Variants in DGKG observed in about 807,000 individuals in gnomAD.
DGKG encodes the protein diacylglycerol kinase gamma.
DGKG carries 78 observed loss-of-function variants against 105.3 expected under a neutral mutation model. The ratio of observed to expected loss-of-function variants is 0.74; its 90% CI spans 0.62 to 0.89. The LOEUF is 0.89. Ranked by LOEUF, DGKG falls within the 40% of genes least tolerant of loss-of-function variation. The pLI, the probability that DGKG is intolerant of heterozygous loss-of-function variation, is 0.00. For synonymous variants in DGKG, 346 were observed against 367.1 expected, an observed-to-expected ratio of 0.94 and a Z score of 0.66; for missense variants, 958 against 1,020.1, an observed-to-expected ratio of 0.94 and a Z score of 0.83.
intron 5 of DGKG, among the ~76,000 whole-genome samples, chr3:186,296,112 C>CAAAAAAAAAA (rs36070727): frequency 4.2e-5 from 6 of 143,438 alleles, no homozygotes; most frequent in African/African-American, 1.6e-4. Flanking sequence ...TTATCTCAGA[C>CAAAAAAAAAA]AAAAAAAAAA....
At chr3:186,194,181 G>A (rs1718055781) in intron 21 of DGKG, among the ~76,000 whole-genome samples, 1 of 152,264 alleles carries the variant, frequency 6.6e-6, no homozygotes, top group Non-Finnish European at 1.5e-5. Context: ...TTTGGTGGAA[G>A]GCAGGTGCAC....
chr3:186,259,184 G>A (rs552292919), intron 16 of DGKG, among the ~76,000 whole-genome samples: 1 of 152,354 alleles, frequency 6.6e-6, no homozygotes, highest in South Asian at 2.1e-4. Flanking sequence ...AGTGACATGC[G>A]CATGAGAGAC....
At chr3:186,196,183 G>A (rs1718173079) in intron 21 of DGKG, among the ~76,000 whole-genome samples, 1 of 146,982 alleles carries the variant, frequency 6.8e-6, no homozygotes. Flanking sequence ...TGTTGCCCAG[G>A]CTAGAGTGCA....
chr3:186,159,061 T>C (rs1489142141), intron 24 of DGKG: 1 of 205,466 alleles, frequency 4.9e-6, no homozygotes, highest in Non-Finnish European at 8.5e-6. Flanking sequence ...TATATTTGGA[T>C]TTTCATTTTT....
intron 6 of DGKG, among the ~76,000 whole-genome samples, chr3:186,285,516 G>C (rs184710469): frequency 6.6e-6 from 1 of 151,236 alleles, no homozygotes; most frequent in African/African-American, 2.5e-5. Context: ...AGGAAGATCT[G>C]GGAGAAAAAT....
intron 24 of DGKG, among the ~76,000 whole-genome samples, chr3:186,150,610 C>G (rs1715713340): frequency 6.6e-6 from 1 of 152,198 alleles, no homozygotes; most frequent in Non-Finnish European, 1.5e-5. Flanking sequence ...TCCATTGCTC[C>G]TGGTCATTCC....
At position 186,320,414 on chromosome 3, in the gene DGKG, G is replaced by T; in HGVS notation, c.46C>A (p.Gln16Lys). 1 of 1,614,108 alleles carries T rather than the reference G, an allele frequency of 6.2e-7. No individual in the cohort carries two copies. The highest frequency in any genetic ancestry group is 8.5e-7 in the Non-Finnish European group (1 of 1,179,992). The change falls in exon 2 of 25, where the codon CAA (glutamine) becomes AAA (lysine). Residue 16 changes from glutamine (Q) to lysine (K), a missense_variant. Physicochemically the swap from Gln to Lys is moderately conservative, Grantham distance 53. Around this residue, in one of 2 missense-constraint regions of DGKG, gnomAD observed 643 missense variants for 619.5 expected, o/e 1.04. Coordinates refer to ENST00000265022, the MANE Select transcript of DGKG (RefSeq NM_001346.3). ...WVSLTPEEFD[Q>K]LQKYSEYSSK... Reference sequence around the variant, plus strand: ...TCACATTCTGAATATTTCTGGAGTTGGTCAAATTCTTCTGGAGTGAGGGAG... The same window carrying T: ...TCACATTCTGAATATTTCTGGAGTTTGTCAAATTCTTCTGGAGTGAGGGAG...
Position 186,164,906 on chromosome 3 carries a change from G to C in DGKG, c.2208C>G (p.Val736=). The change falls in exon 23 of 25, where the codon GTC becomes GTG. Residue 736 remains valine, a synonymous_variant. Coordinates refer to ENST00000265022, the MANE Select transcript of DGKG (RefSeq NM_001346.3). ...GTGACAAAGAGGCATACCTGATGGT[G>C]ACAGAGGCGCACTGGGCCAGCCTCC... ...AGRRLAQCAS[V]TIRTNKLLPM... is the part of the protein sequence containing the mutation. 1.9e-6 allele frequency: 3 copies of C among 1,612,708 alleles called. No individual in the cohort carries two copies. In the South Asian group the frequency reaches 3.3e-5, roughly 18 times the overall value.
chr3:186,257,830 A>C, intron 17 of DGKG, 24 bp downstream of exon 17: 1 of 1,584,584 alleles, frequency 6.3e-7, no homozygotes, highest in Non-Finnish European at 8.7e-7. Context: ...ATAAGCAGCA[A>C]ACGCCCTCTC....
At chr3:186,338,207 A>G (rs1459843113) in intron 1 of DGKG, among the ~76,000 whole-genome samples, 2 of 151,854 alleles carry the variant, frequency 1.3e-5, no homozygotes, top group Non-Finnish European at 2.9e-5. Flanking sequence ...GAAAAGTAGA[A>G]TGTACATTGG....
At position 186,147,357 on chromosome 3, in the gene DGKG, T is replaced by C; in HGVS notation, c.*2733A>G. 1.0e-6 allele frequency: 1 copy of C among 980,086 alleles called. No individual in the cohort carries two copies. The highest frequency in any genetic ancestry group is 1.7e-5 in the African/African-American group (1 of 57,204). The allele number at this position is 980,086 out of a possible 1,614,324, so 60.7% of individuals were successfully genotyped here. ...GCTTTGAGAAGTCACTAAACCTCAT[T>C]AAGCCTTGTTCTCCTCATTGAGATC... On this transcript the variant is annotated 3_prime_UTR_variant, in exon 25 of 25. Transcript: ENST00000265022.
chr3:186,315,893 G>A (rs536732601), intron 2 of DGKG, among the ~76,000 whole-genome samples: 7 of 152,312 alleles, frequency 4.6e-5, no homozygotes, highest in African/African-American at 1.7e-4. Flanking sequence ...GAATGTGGAG[G>A]GAGTTCCGTT....
At chr3:186,304,199 G>A (rs886651655) in intron 3 of DGKG, among the ~76,000 whole-genome samples, 4 of 152,244 alleles carry the variant, frequency 2.6e-5, no homozygotes, top group African/African-American at 9.6e-5. Context: ...GGGCGGACAA[G>A]CTGATTAGCA....
intron 23 of DGKG, among the ~76,000 whole-genome samples, chr3:186,162,882 T>C (rs1716367097): frequency 1.3e-5 from 2 of 151,908 alleles, no homozygotes; most frequent in Admixed American, 1.3e-4. Flanking sequence ...ATAAGCACAC[T>C]CTGGGGTTGC....
Position 186,213,842 on chromosome 3 carries a change from A to T in DGKG, c.1827-1957T>A, listed in dbSNP as rs114255615. Among the ~76,000 whole-genome samples the T allele has an allele frequency of 6.2e-3, 939 of 152,296 alleles. 4 individuals carry two copies. Among genetic ancestry groups the T allele is most frequent in the Admixed American group, 0.011 (167 of 15,298 alleles). The stretch of plus-strand genomic sequence containing the variant: ...AAATGAAAACATGGAAAAGGACAGA[A>T]CCAGTTAAACCTGAAGGAGAGAATT... On this transcript the variant is annotated intron_variant, in intron 20 of 24. Transcript: ENST00000265022.
At chr3:186,324,302 T>C (rs1198703231) in intron 1 of DGKG, among the ~76,000 whole-genome samples, 2 of 152,056 alleles carry the variant, frequency 1.3e-5, no homozygotes, top group Non-Finnish European at 2.9e-5. Flanking sequence ...TTTTCATCCC[T>C]TGAACTTTGG....
At chr3:186,224,958 C>G (rs570414349) in intron 20 of DGKG, among the ~76,000 whole-genome samples, 1 of 152,214 alleles carries the variant, frequency 6.6e-6, no homozygotes, top group East Asian at 1.9e-4. Context: ...AATTTTTTCT[C>G]CAAACAGGAA....
chr3:186,148,879 C>G lies in DGKG; in HGVS notation c.*1211G>C, dbSNP rs573630752. The G allele has an allele frequency of 2.0e-6, 2 of 983,814 alleles. No homozygotes were observed. Among genetic ancestry groups the G allele is most frequent in the African/African-American group, 1.8e-5 (1 of 56,782 alleles). 60.9% of individuals were successfully genotyped at this position (983,814 alleles called of 1,614,324 possible). The stretch of plus-strand genomic sequence containing the variant: ...GGTGGAGTGGGGGAGTGAGAACCTT[C>G]TTTTTCCTTACCACTTTCTGTCTCA... On this transcript the variant is annotated 3_prime_UTR_variant, in exon 25 of 25. Coordinates refer to ENST00000265022, the MANE Select transcript of DGKG (RefSeq NM_001346.3).
intron 20 of DGKG, among the ~76,000 whole-genome samples, chr3:186,238,524 A>T (rs1419685502): frequency 1.3e-5 from 2 of 152,190 alleles, no homozygotes. Context: ...CCTTGAAGGC[A>T]GGGGCCACAT....
Sources: gnomAD v4.1 joint callset for allele counts (sites outside exome capture counted in the v4.1 genomes callset) on GRCh38, gnomAD v4.1.1 for gene constraint, gnomAD v4.1.1 regional missense constraint, MANE v1.5 for transcripts, NCBI Gene and HGNC (gene_info 2026-07-23, HGNC 2026-07-21) for gene names.